PPP4R3C: variants seen among roughly 807,000 people sequenced by gnomAD.
PPP4R3C encodes the protein protein phosphatase 4 regulatory subunit 3C, also known as protein PPP4R3C.
For synonymous variants in PPP4R3C, 150 were observed against 86.5 expected (o/e 1.73, Z -4.07); for missense variants, 372 against 237.3 (o/e 1.57, Z -3.73).
Position 27,461,559 on chromosome X carries a change from T to C in PPP4R3C, c.1738A>G (p.Asn580Asp). Residue 580 changes from asparagine (N) to aspartate (D), a missense_variant, in exon 1 of 1, where the codon AAT becomes GAT. Coordinates refer to ENST00000412172, the MANE Select transcript of PPP4R3C (RefSeq NM_207319.4). ...EAYNNYIIKGNLFEPVVNALL... is the reference protein window; with the variant it reads ...EAYNNYIIKGDLFEPVVNALL... ...GCATTTACAACTGGCTCAAAAAGAT[T>C]TCCCTTGATGATGTAATTATTATAA... is the stretch of plus-strand genomic sequence containing the variant. 1 of 518,283 alleles carries C rather than the reference T, an allele frequency of 1.9e-6. No homozygotes were observed. The allele number at this position is 518,283 out of a possible 1,213,427, so 42.7% of individuals were successfully genotyped here.
rs1922979638 is a variant in PPP4R3C at position 27,462,087 on chromosome X, A to C, written c.1210T>G (p.Ser404Ala). The change falls in exon 1 of 1, where the codon TCA becomes GCA. Residue 404 changes from serine (S) to alanine (A), a missense_variant. Coordinates refer to ENST00000412172, the MANE Select transcript of PPP4R3C (RefSeq NM_207319.4). The part of the protein sequence containing the change: ...SPSRIREFII[S>A]EAHVCKDSDL... Reference sequence around the variant, plus strand: ...CTATCTTTGCACACGTGAGCTTCTGAAATTATAAATTCTCGGATCCTGGAT... The same window carrying C: ...CTATCTTTGCACACGTGAGCTTCTGCAATTATAAATTCTCGGATCCTGGAT... 1 of 515,138 alleles carries C rather than the reference A, an allele frequency of 1.9e-6. No individual in the cohort carries two copies. The highest frequency in any genetic ancestry group is 3.5e-6 in the Non-Finnish European group (1 of 287,115). 42.5% of individuals were successfully genotyped at this position (515,138 alleles called of 1,213,427 possible).
Position 27,461,427 on chromosome X carries a change from C to T in PPP4R3C, c.1870G>A (p.Glu624Lys). Residue 624 changes from glutamate (E) to lysine (K), a missense_variant, in exon 1 of 1, where the codon GAA becomes AAA. Transcript: ENST00000412172. ...GATTCAAGTGTGTTATAAAACTTTTCAACTATATGTGAAACAAGAGGCTTG... is the reference window on the plus strand; with the variant it reads ...GATTCAAGTGTGTTATAAAACTTTTTAACTATATGTGAAACAAGAGGCTTG... Reference protein sequence around the residue: ...NIKPLVSHIVEKFYNTLESIE... With the variant: ...NIKPLVSHIVKKFYNTLESIE... 1 of 515,350 alleles carries T rather than the reference C, an allele frequency of 1.9e-6. No individual in the cohort carries two copies. The highest frequency in any genetic ancestry group is 3.5e-6 in the Non-Finnish European group (1 of 286,862). 42.5% of individuals were successfully genotyped at this position (515,350 alleles called of 1,213,427 possible). A position where few individuals can be genotyped will look rare whatever the true frequency, so the allele number is the denominator to read the frequency against.
chrX:27,461,320 A>T lies in PPP4R3C; in HGVS notation c.1977T>A (p.Asn659Lys). Residue 659 changes from asparagine to lysine, a missense_variant, in exon 1 of 1, where the codon AAT (asparagine) becomes AAA (lysine). Asn to Lys is a moderately conservative substitution (Grantham distance 94). Coordinates refer to ENST00000412172, the MANE Select transcript of PPP4R3C (RefSeq NM_207319.4). ...CTATATTTTGCAGTACAGAATGTAA[A>T]TTCTTTTGTATTTGACTTTGTCTGT... ...ERDRQSQIQK[N>K]LHSVLQNIVV... 1.9e-6 allele frequency: 1 copy of T among 514,837 alleles called. No individual in the cohort carries two copies. Among genetic ancestry groups the T allele is most frequent in the Non-Finnish European group, 3.5e-6 (1 of 286,866 alleles). 42.4% of individuals were successfully genotyped at this position (514,837 alleles called of 1,213,427 possible). A position where few individuals can be genotyped will look rare whatever the true frequency, so the allele number is the denominator to read the frequency against.
rs754467410 is a variant in PPP4R3C at position 27,461,064 on chromosome X, C to T, written c.2233G>A (p.Asp745Asn). ...GEAVMPPLED[D>N]DEFMETKRNQ... Reference sequence around the variant, plus strand: ...CTTTTAGTCTCCATAAATTCATCGTCATCTTCCAGTGGTGGCATAACTGCT... The same window carrying T: ...CTTTTAGTCTCCATAAATTCATCGTTATCTTCCAGTGGTGGCATAACTGCT... The change falls in exon 1 of 1, where the codon GAC (aspartate) becomes AAC (asparagine). Residue 745 changes from aspartate (D) to asparagine (N), a missense_variant. Asp to Asn is a conservative substitution (Grantham distance 23). Transcript: ENST00000412172. 30 of 511,234 alleles carry T rather than the reference C, an allele frequency of 5.9e-5. No individual in the cohort carries two copies. In the African/African-American group the frequency reaches 7.0e-4, roughly 12 times the overall value. The allele number at this position is 511,234 out of a possible 1,213,427, so 42.1% of individuals were successfully genotyped here.
chrX:27,461,698 G>A lies in PPP4R3C; in HGVS notation c.1599C>T (p.Ile533=), dbSNP rs1215025581. 1.9e-6 allele frequency: 1 copy of A among 515,197 alleles called. No individual in the cohort carries two copies. The highest frequency in any genetic ancestry group is 2.5e-5 in the South Asian group (1 of 40,660). 42.5% of individuals were successfully genotyped at this position (515,197 alleles called of 1,213,427 possible). A position where few individuals can be genotyped will look rare whatever the true frequency, so the allele number is the denominator to read the frequency against. The change falls in exon 1 of 1, where the codon ATC becomes ATT. Residue 533 remains isoleucine, a synonymous_variant. Coordinates refer to ENST00000412172, the MANE Select transcript of PPP4R3C (RefSeq NM_207319.4). ...QHHTFYIRSY[I]LNKDLLRKAL... is the part of the protein sequence containing the mutation. Reference sequence around the variant, plus strand: ...CCTTTCTTAGCAAGTCTTTGTTCAAGATATAGCTTCTTATGTAGAATGTAT... The same window carrying A: ...CCTTTCTTAGCAAGTCTTTGTTCAAAATATAGCTTCTTATGTAGAATGTAT...
In PPP4R3C at chrX:27,462,181, C is replaced by A; in HGVS notation, c.1116G>T (p.Met372Ile). 1 of 514,842 alleles carries A rather than the reference C, an allele frequency of 1.9e-6. No homozygotes were observed. Among genetic ancestry groups the A allele is most frequent in the South Asian group, 2.5e-5 (1 of 40,650 alleles). The allele number at this position is 514,842 out of a possible 1,213,427, so 42.4% of individuals were successfully genotyped here. ...ACCTTACTTGCAAATCATCCCTGAT[C>A]ATTACGATTTTAAGAGCAGGAAGAA... Reference protein sequence around the residue: ...LGVLPALKIVMIRDDLQVRSA... With the variant: ...LGVLPALKIVIIRDDLQVRSA... Residue 372 changes from methionine to isoleucine, a missense_variant, in exon 1 of 1, where the codon ATG becomes ATT. Met to Ile is a conservative substitution (Grantham distance 10, BLOSUM62 1). Transcript: ENST00000412172.
chrX:27,460,938 C>G lies in PPP4R3C; in HGVS notation c.2359G>C (p.Gly787Arg). Residue 787 changes from glycine (G) to arginine (R), a missense_variant, in exon 1 of 1, where the codon GGT becomes CGT. Physicochemically the swap from Gly to Arg is moderately radical, Grantham distance 125. Transcript: ENST00000412172. ...ACCACACTGCTACCACTTGGGCTAC[C>G]TGTTCCAATAGCAGCACAAGCAGAA... ...SYSACAAIGT[G>R]SPSGSSVVRL... 4 of 515,174 alleles carry G rather than the reference C, an allele frequency of 7.8e-6. No homozygotes were observed. The highest frequency in any genetic ancestry group is 1.4e-5 in the Non-Finnish European group (4 of 287,064). 42.5% of individuals were successfully genotyped at this position (515,174 alleles called of 1,213,427 possible).
Position 27,461,086 on chromosome X carries a change from T to C in PPP4R3C, c.2211A>G (p.Ala737=). The part of the protein sequence containing the change: ...ETKRTHQEGE[A]VMPPLEDDDE... Reference sequence around the variant, plus strand: ...CGTCATCTTCCAGTGGTGGCATAACTGCTTCTCCTTCTTGGTGGGTTCTTT... The same window carrying C: ...CGTCATCTTCCAGTGGTGGCATAACCGCTTCTCCTTCTTGGTGGGTTCTTT... The change falls in exon 1 of 1, where the codon GCA becomes GCG. Residue 737 remains alanine, a synonymous_variant. Transcript: ENST00000412172. 1 of 514,596 alleles carries C rather than the reference T, an allele frequency of 1.9e-6. No individual in the cohort carries two copies. The allele number at this position is 514,596 out of a possible 1,213,427, so 42.4% of individuals were successfully genotyped here. A position where few individuals can be genotyped will look rare whatever the true frequency, so the allele number is the denominator to read the frequency against.
In PPP4R3C at chrX:27,461,712, T is replaced by C. The variant is rs192460084; in HGVS notation, c.1585A>G (p.Ile529Val). The C allele has an allele frequency of 1.6e-5, 8 of 513,688 alleles. No homozygotes were observed. Among genetic ancestry groups the C allele is most frequent in the Admixed American group, 5.3e-5 (2 of 37,651 alleles). The allele number at this position is 513,688 out of a possible 1,213,427, so 42.3% of individuals were successfully genotyped here. ...TFCIQHHTFY[I>V]RSYILNKDLL... ...TCTTTGTTCAAGATATAGCTTCTTATGTAGAATGTATGATGTTGTATACAA... is the reference window on the plus strand; with the variant it reads ...TCTTTGTTCAAGATATAGCTTCTTACGTAGAATGTATGATGTTGTATACAA... The change falls in exon 1 of 1, where the codon ATA becomes GTA. Residue 529 changes from isoleucine (I) to valine (V), a missense_variant. Transcript: ENST00000412172.
In PPP4R3C at chrX:27,462,379, C is replaced by T; in HGVS notation, c.918G>A (p.Leu306=). 3.9e-6 allele frequency: 2 copies of T among 515,383 alleles called. No homozygotes were observed. The highest frequency in any genetic ancestry group is 7.0e-6 in the Non-Finnish European group (2 of 287,064). 42.5% of individuals were successfully genotyped at this position (515,383 alleles called of 1,213,427 possible). A position where few individuals can be genotyped will look rare whatever the true frequency, so the allele number is the denominator to read the frequency against. ...FSNKAEIVSM[L]QKDHKFLYEV... is the part of the protein sequence containing the mutation. ...CATACAAAAATTTGTGATCTTTCTG[C>T]AGCATGCTTACTATCTCAGCCTTGT... Residue 306 remains leucine (L), a synonymous_variant, in exon 1 of 1, where the codon CTG becomes CTA. Transcript: ENST00000412172.
Position 27,462,057 on chromosome X carries a change from G to T in PPP4R3C, c.1240C>A (p.Leu414Ile), listed in dbSNP as rs1244321936. ...SEAHVCKDSDLFINVIIKQMI... is the reference protein window; with the variant it reads ...SEAHVCKDSDIFINVIIKQMI... Reference sequence around the variant, plus strand: ...TGTTTAATTATTACATTAATGAAAAGGTCACTATCTTTGCACACGTGAGCT... The same window carrying T: ...TGTTTAATTATTACATTAATGAAAATGTCACTATCTTTGCACACGTGAGCT... Residue 414 changes from leucine (L) to isoleucine (I), a missense_variant, in exon 1 of 1, where the codon CTT (leucine) becomes ATT (isoleucine). Transcript: ENST00000412172. The T allele has an allele frequency of 1.9e-6, 1 of 518,953 alleles. No homozygotes were observed. The highest frequency in any genetic ancestry group is 2.5e-5 in the South Asian group (1 of 40,743). 42.8% of individuals were successfully genotyped at this position (518,953 alleles called of 1,213,427 possible).
chrX:27,462,389 A>G lies in PPP4R3C; in HGVS notation c.908T>C (p.Val303Ala), dbSNP rs1199768031. The change falls in exon 1 of 1, where the codon GTA becomes GCA. Residue 303 changes from valine to alanine, a missense_variant. Val to Ala is a moderately conservative substitution (Grantham distance 64). Coordinates refer to ENST00000412172, the MANE Select transcript of PPP4R3C (RefSeq NM_207319.4). Reference protein sequence around the residue: ...TFIFSNKAEIVSMLQKDHKFL... With the variant: ...TFIFSNKAEIASMLQKDHKFL... The stretch of plus-strand genomic sequence containing the variant: ...TTTGTGATCTTTCTGCAGCATGCTT[A>G]CTATCTCAGCCTTGTTGGAGAAAAT... 3 of 514,144 alleles carry G rather than the reference A, an allele frequency of 5.8e-6. No individual in the cohort carries two copies. In the African/African-American group the frequency reaches 6.9e-5, roughly 12 times the overall value. The allele number at this position is 514,144 out of a possible 1,213,427, so 42.4% of individuals were successfully genotyped here.
chrX:27,461,268 T>A lies in PPP4R3C; in HGVS notation c.2029A>T (p.Ile677Phe). The A allele has an allele frequency of 1.9e-6, 1 of 515,752 alleles. No homozygotes were observed. Among genetic ancestry groups the A allele is most frequent in the South Asian group, 2.5e-5 (1 of 40,757 alleles). The allele number at this position is 515,752 out of a possible 1,213,427, so 42.5% of individuals were successfully genotyped here. Residue 677 changes from isoleucine to phenylalanine, a missense_variant, in exon 1 of 1, where the codon ATT (isoleucine) becomes TTT (phenylalanine). Transcript: ENST00000412172. ...AAACATATTTCTTCTTCCAGCCCAA[T>A]TTCTTCTATGGTACCTCTGAAAACT... ...IVVFRGTIEE[I>F]GLEEEICFME...
rs1218501588 is a variant in PPP4R3C, at chrX:27,460,709, T to A, written c.*89A>T. 4.7e-6 allele frequency: 2 copies of A among 423,298 alleles called. No individual in the cohort carries two copies. Among genetic ancestry groups the A allele is most frequent in the Non-Finnish European group, 8.1e-6 (2 of 246,279 alleles). 34.9% of individuals were successfully genotyped at this position (423,298 alleles called of 1,213,427 possible). On this transcript the variant is annotated 3_prime_UTR_variant, in exon 1 of 1. Transcript: ENST00000412172. ...TGTGATTTATCATTATAAGTTCACATGAAAAAGCTTGTGGAATCAGTCTTT... is the reference window on the plus strand; with the variant it reads ...TGTGATTTATCATTATAAGTTCACAAGAAAAAGCTTGTGGAATCAGTCTTT...
chrX:27,462,724 T>C lies in PPP4R3C; in HGVS notation c.573A>G (p.Leu191=). ...CCTTAATAATTTCATACAAATGGTG[T>C]AAACCTTCAGTATTCTCTAGATTTT... is the stretch of plus-strand genomic sequence containing the variant. The part of the protein sequence containing the change: ...TCENLENTEG[L]HHLYEIIKGI... Residue 191 remains leucine, a synonymous_variant, in exon 1 of 1, where the codon TTA becomes TTG. Transcript: ENST00000412172. 1 of 523,831 alleles carries C rather than the reference T, an allele frequency of 1.9e-6. No homozygotes were observed. The highest frequency in any genetic ancestry group is 3.4e-6 in the Non-Finnish European group (1 of 290,775). 43.2% of individuals were successfully genotyped at this position (523,831 alleles called of 1,213,427 possible).
rs939424786 is a variant in PPP4R3C at position 27,463,247 on chromosome X, T to C, written c.50A>G (p.Glu17Gly). Residue 17 changes from glutamate (E) to glycine (G), a missense_variant, in exon 1 of 1, where the codon GAG (glutamate) becomes GGG (glycine). Glu to Gly is a moderately conservative substitution (Grantham distance 98, BLOSUM62 -2). Coordinates refer to ENST00000412172, the MANE Select transcript of PPP4R3C (RefSeq NM_207319.4). ...ACCGGTGCCTAGATTGTTCCATTCCTCGTCTTCGTTCAGGACATAGACTTT... is the reference window on the plus strand; with the variant it reads ...ACCGGTGCCTAGATTGTTCCATTCCCCGTCTTCGTTCAGGACATAGACTTT... ...SVKVYVLNED[E>G]EWNNLGTGQV... 3.9e-6 allele frequency: 2 copies of C among 513,083 alleles called. No individual in the cohort carries two copies. The highest frequency in any genetic ancestry group is 4.6e-5 in the African/African-American group (2 of 43,179). The allele number at this position is 513,083 out of a possible 1,213,427, so 42.3% of individuals were successfully genotyped here. A position where few individuals can be genotyped will look rare whatever the true frequency, so the allele number is the denominator to read the frequency against.
rs1337669872 is a variant in PPP4R3C, at chrX:27,462,184, T to C, written c.1113A>G (p.Val371=). 1.9e-6 allele frequency: 1 copy of C among 514,964 alleles called. No homozygotes were observed. Among genetic ancestry groups the C allele is most frequent in the Non-Finnish European group, 3.5e-6 (1 of 287,016 alleles). 42.4% of individuals were successfully genotyped at this position (514,964 alleles called of 1,213,427 possible). A position where few individuals can be genotyped will look rare whatever the true frequency, so the allele number is the denominator to read the frequency against. Reference sequence around the variant, plus strand: ...TTACTTGCAAATCATCCCTGATCATTACGATTTTAAGAGCAGGAAGAACTC... The same window carrying C: ...TTACTTGCAAATCATCCCTGATCATCACGATTTTAAGAGCAGGAAGAACTC... ...QLGVLPALKI[V]MIRDDLQVRS... Residue 371 remains valine (V), a synonymous_variant, in exon 1 of 1, where the codon GTA becomes GTG. Transcript: ENST00000412172.
In PPP4R3C at chrX:27,462,319, A is replaced by T. The variant is rs748775937; in HGVS notation, c.978T>A (p.His326Gln). The T allele has an allele frequency of 6.7e-4, 344 of 513,844 alleles. No homozygotes were observed. The highest frequency in any genetic ancestry group is 1.1e-3 in the Non-Finnish European group (309 of 286,890). The allele number at this position is 513,844 out of a possible 1,213,427, so 42.3% of individuals were successfully genotyped here. A position where few individuals can be genotyped will look rare whatever the true frequency, so the allele number is the denominator to read the frequency against. ...VFAQLKDETT[H>Q]DDRRCELLFF... ...ATAGCAATTCACACCGTCTATCATCATGTGTAGTCTCATCCTTTAACTGTG... is the reference window on the plus strand; with the variant it reads ...ATAGCAATTCACACCGTCTATCATCTTGTGTAGTCTCATCCTTTAACTGTG... Residue 326 changes from histidine (H) to glutamine (Q), a missense_variant, in exon 1 of 1, where the codon CAT (histidine) becomes CAA (glutamine). By Grantham distance (24) the His-to-Gln change is conservative (BLOSUM62 0). Transcript: ENST00000412172.
chrX:27,461,527 T>C lies in PPP4R3C; in HGVS notation c.1770A>G (p.Leu590=), dbSNP rs1330217023. The C allele has an allele frequency of 3.9e-6, 2 of 518,901 alleles. No individual in the cohort carries two copies. The highest frequency in any genetic ancestry group is 3.6e-5 in the East Asian group (1 of 27,728). 42.8% of individuals were successfully genotyped at this position (518,901 alleles called of 1,213,427 possible). Residue 590 remains leucine (L), a synonymous_variant, in exon 1 of 1, where the codon CTA becomes CTG. Coordinates refer to ENST00000412172, the MANE Select transcript of PPP4R3C (RefSeq NM_207319.4). ...ACATATTGTACCGAGTTCCATTATC[T>C]AGAAGAGCATTTACAACTGGCTCAA... is the stretch of plus-strand genomic sequence containing the variant. ...NLFEPVVNAL[L]DNGTRYNMLN...
Sources: allele counts gnomAD v4.1 joint callset, GRCh38; gene constraint gnomAD v4.1.1; transcripts MANE v1.5; gene names NCBI Gene and HGNC (gene_info 2026-07-23, HGNC 2026-07-21).